The following SKAP2 variants were observed in gnomAD, a reference collection of about 807,000 sequenced individuals.
SKAP2 encodes src kinase associated phosphoprotein 2.
A neutral mutation model predicts 54.9 loss-of-function variants in SKAP2; 28 were observed. The ratio of observed to expected loss-of-function variants is 0.51; its 90% CI spans 0.38 to 0.70. The LOEUF (loss-of-function observed/expected upper bound fraction) is 0.70. SKAP2 is among the 30% of genes least tolerant of loss of function. SKAP2 has a pLI of 0.00. For missense variants in SKAP2, 356 were observed against 424.1 expected, an observed-to-expected ratio of 0.84 and a Z score of 1.41; for synonymous variants, 137 against 134.3, an observed-to-expected ratio of 1.02 and a Z score of -0.14.
chr7:26,721,973 C>T (rs1434421711), intron 9 of SKAP2, among the ~76,000 whole-genome samples: 4 of 152,148 alleles, frequency 2.6e-5, no homozygotes, highest in Non-Finnish European at 5.9e-5. Flanking sequence ...GAACTCATTA[C>T]CATGTTAAAC....
chr7:26,691,587 C>A (rs192029778), intron 9 of SKAP2, among the ~76,000 whole-genome samples: 98 of 152,320 alleles, frequency 6.4e-4, no homozygotes, highest in African/African-American at 2.3e-3. Context: ...GAAGCCTCTG[C>A]TCACAGGAAG....
intron 11 of SKAP2, among the ~76,000 whole-genome samples, chr7:26,683,467 C>T (rs1187073237): frequency 6.6e-6 from 1 of 151,634 alleles, no homozygotes; most frequent in Non-Finnish European, 1.5e-5. Context: ...TCACAGTTGG[C>T]TTTATTTATT....
chr7:26,788,611 T>A (rs1783608231), intron 4 of SKAP2, among the ~76,000 whole-genome samples: 1 of 152,144 alleles, frequency 6.6e-6, no homozygotes, highest in South Asian at 2.1e-4. Flanking sequence ...CTTATACCCC[T>A]TTATAATAGC....
intron 11 of SKAP2, among the ~76,000 whole-genome samples, chr7:26,671,513 A>G (rs574476531): frequency 6.6e-6 from 1 of 152,214 alleles, no homozygotes; most frequent in South Asian, 2.1e-4. Flanking sequence ...TAGTCTATCA[A>G]TAGAGAGATT....
At position 26,843,550 on chromosome 7, in the gene SKAP2, G is replaced by A. The variant is rs186928174; in HGVS notation, c.307+480C>T. ...AGTGACAATATAAAAATGAAAATGCGCATTAAAAGAAGCATTTGATAAAAA... is the reference window on the plus strand; with the variant it reads ...AGTGACAATATAAAAATGAAAATGCACATTAAAAGAAGCATTTGATAAAAA... On this transcript the variant is annotated intron_variant, in intron 4 of 12. Coordinates refer to ENST00000345317, the MANE Select transcript of SKAP2 (RefSeq NM_003930.5). 3.3e-3 allele frequency among the ~76,000 whole-genome samples: 509 copies of A among 151,950 alleles called. 4 individuals are homozygous for A. Among genetic ancestry groups the A allele is most frequent in the African/African-American group, 0.011 (469 of 41,506 alleles).
intron 10 of SKAP2, among the ~76,000 whole-genome samples, chr7:26,685,415 A>G (rs1278363507): frequency 2.6e-5 from 4 of 152,210 alleles, no homozygotes; most frequent in Admixed American, 2.6e-4. Flanking sequence ...ATAAAGAGTA[A>G]TTGCAGCAAT....
At chr7:26,849,104 A>G (rs1224331025) in intron 3 of SKAP2, among the ~76,000 whole-genome samples, 5 of 152,198 alleles carry the variant, frequency 3.3e-5, no homozygotes, top group African/African-American at 1.2e-4. Flanking sequence ...CAGAAAACAC[A>G]CTATGTTAGG....
chr7:26,780,803 T>A (rs535779735), intron 4 of SKAP2, among the ~76,000 whole-genome samples: 2 of 152,136 alleles, frequency 1.3e-5, no homozygotes, highest in Admixed American at 1.3e-4. Flanking sequence ...CAAAATTTAT[T>A]TTCACATGAG....
At chr7:26,838,701 A>G (rs994975551) in intron 4 of SKAP2, among the ~76,000 whole-genome samples, 2 of 152,168 alleles carry the variant, frequency 1.3e-5, no homozygotes, top group Non-Finnish European at 2.9e-5. Context: ...GGTTTTTTTG[A>G]CAGGATGCTA....
At chr7:26,743,025 T>C (rs2127963109) in intron 4 of SKAP2, among the ~76,000 whole-genome samples, 1 of 152,214 alleles carries the variant, frequency 6.6e-6, no homozygotes, top group African/African-American at 2.4e-5. Context: ...TAATGATACA[T>C]GAAGAAAAGG....
chr7:26,809,567 C>T (rs976095795), intron 4 of SKAP2, among the ~76,000 whole-genome samples: 2 of 152,138 alleles, frequency 1.3e-5, no homozygotes, highest in African/African-American at 4.8e-5. Flanking sequence ...CACCTCACAC[C>T]TGTCAGAACA....
chr7:26,661,495 CTAT>C, the SKAP2 span, among the ~76,000 whole-genome samples: 3 of 152,122 alleles, frequency 2.0e-5, no homozygotes, highest in African/African-American at 7.2e-5. Context: ...TACCTAAAGA[CTAT>C]TATTAGCAGA....
intron 9 of SKAP2, among the ~76,000 whole-genome samples, chr7:26,721,389 T>C (rs1317078123): frequency 6.6e-6 from 1 of 152,182 alleles, no homozygotes; most frequent in Non-Finnish European, 1.5e-5. Context: ...TATATAATAG[T>C]CTCATGGAAA....
chr7:26,744,273 A>G (rs1353361546), intron 4 of SKAP2, among the ~76,000 whole-genome samples: 1 of 152,194 alleles, frequency 6.6e-6, no homozygotes, highest in Admixed American at 6.5e-5. Flanking sequence ...AAAATGAAAA[A>G]TAGTAGTTAC....
chr7:26,664,125 C>T (rs1017165424), downstream of SKAP2, among the ~76,000 whole-genome samples: 11 of 152,134 alleles, frequency 7.2e-5, no homozygotes, highest in Non-Finnish European at 1.3e-4. Flanking sequence ...CACAGTACTG[C>T]GCAGCAGAAC....
intron 4 of SKAP2, among the ~76,000 whole-genome samples, chr7:26,826,347 G>C (rs1163919601): frequency 6.6e-6 from 1 of 152,022 alleles, no homozygotes; most frequent in Non-Finnish European, 1.5e-5. Context: ...TATGTGAGTG[G>C]GAATACTCAT....
chr7:26,844,118 T>C lies in SKAP2; in HGVS notation c.219A>G (p.Glu73=), dbSNP rs768402417. 1.9e-6 allele frequency: 3 copies of C among 1,607,558 alleles called. No individual in the cohort carries two copies. In the South Asian group the frequency reaches 3.3e-5, roughly 18 times the overall value. Reference sequence around the variant, plus strand: ...GCCCAGCAAAAGGGTCATCATATTCTTCCCCATCTTCTGCATCACCTGTTA... The same window carrying C: ...GCCCAGCAAAAGGGTCATCATATTCCTCCCCATCTTCTGCATCACCTGTTA... ...FQDKGDAEDG[E]EYDDPFAGPP... is the part of the protein sequence containing the mutation. The change falls in exon 4 of 13, where the codon GAA becomes GAG. Residue 73 remains glutamate, a synonymous_variant. Transcript: ENST00000345317.
chr7:26,809,873 A>G lies in SKAP2; in HGVS notation c.307+34157T>C, dbSNP rs150900999. On this transcript the variant is annotated intron_variant, in intron 4 of 12. Coordinates refer to ENST00000345317, the MANE Select transcript of SKAP2 (RefSeq NM_003930.5). ...TCAGCCTAAGTGTCCATGAAGATGA[A>G]TAGATGAAGAAAATGTAGTATATGT... Among the ~76,000 whole-genome samples the G allele has an allele frequency of 1.8e-3, 267 of 152,338 alleles. 1 individual carries two copies. Among genetic ancestry groups the G allele is most frequent in the African/African-American group, 6.2e-3 (257 of 41,576 alleles).
At chr7:26,770,527 C>T (rs55959127) in intron 4 of SKAP2, among the ~76,000 whole-genome samples, 44,746 of 152,020 alleles carry the variant, frequency 0.29, 6,882 homozygotes, top group Non-Finnish European at 0.33. Context: ...ACAGCTAGCT[C>T]GGTGTCTGCG....
Sources: gnomAD v4.1 joint callset for allele counts (sites outside exome capture counted in the v4.1 genomes callset) on GRCh38, gnomAD v4.1.1 for gene constraint, MANE v1.5 for transcripts, NCBI Gene and HGNC (gene_info 2026-07-23, HGNC 2026-07-21) for gene names.